The following RGS6 variants were observed in gnomAD, a reference collection of about 807,000 sequenced individuals.
RGS6 encodes regulator of G-protein signaling 6.
RGS6 carries 30 observed loss-of-function variants against 78.5 expected under a neutral mutation model. The ratio of observed to expected loss-of-function variants is 0.38; its 90% CI spans 0.29 to 0.52. The LOEUF (loss-of-function observed/expected upper bound fraction) is 0.52, where lower values mean the gene tolerates loss of function less well. Ranked by LOEUF, RGS6 falls within the 20% of genes least tolerant of loss-of-function variation. The pLI, the probability that RGS6 is intolerant of heterozygous loss-of-function variation, is 0.85. For missense variants in RGS6, 495 were observed against 609.7 expected, an observed-to-expected ratio of 0.81 and a Z score of 1.98; for synonymous variants, 206 against 206.0, an observed-to-expected ratio of 1.00 and a Z score of 0.00.
intron 3 of RGS6, among the ~76,000 whole-genome samples, chr14:72,364,122 C>T (rs1486176291): frequency 6.6e-6 from 1 of 151,734 alleles, no homozygotes; most frequent in East Asian, 1.9e-4. Flanking sequence ...CCAACACTCT[C>T]ACCTACTTAA....
intron 2 of RGS6, among the ~76,000 whole-genome samples, chr14:72,000,592 G>A (rs977363260): frequency 6.6e-6 from 1 of 152,162 alleles, no homozygotes; most frequent in Non-Finnish European, 1.5e-5. Flanking sequence ...GAGAACCCAG[G>A]AGACAAAGGT....
chr14:72,023,556 C>G (rs2089193713), intron 2 of RGS6, among the ~76,000 whole-genome samples: 1 of 152,240 alleles, frequency 6.6e-6, no homozygotes, highest in Non-Finnish European at 1.5e-5. Flanking sequence ...TGGAACGTTT[C>G]TCTTAATCCA....
chr14:72,576,748 C>T, the RGS6 span, among the ~76,000 whole-genome samples: 1 of 152,336 alleles, frequency 6.6e-6, no homozygotes, highest in South Asian at 2.1e-4. Flanking sequence ...ATGGATCCAA[C>T]TGCCCCTTTC....
chr14:72,104,191 T>A (rs1367435522), intron 2 of RGS6, among the ~76,000 whole-genome samples: 1 of 152,094 alleles, frequency 6.6e-6, no homozygotes, highest in Non-Finnish European at 1.5e-5. Flanking sequence ...CGCCCCCGGT[T>A]TTGCTCTCTC....
At chr14:72,008,677 T>C (rs534878483) in intron 2 of RGS6, among the ~76,000 whole-genome samples, 1 of 152,318 alleles carries the variant, frequency 6.6e-6, no homozygotes, top group African/African-American at 2.4e-5. Context: ...CTGCCATAAG[T>C]TGAGGACATT....
At chr14:72,052,773 G>A (rs1010322552) in intron 2 of RGS6, among the ~76,000 whole-genome samples, 2 of 152,012 alleles carry the variant, frequency 1.3e-5, no homozygotes, top group Non-Finnish European at 2.9e-5. Context: ...GGAAGTGGAG[G>A]CATTTTTGTA....
intron 2 of RGS6, among the ~76,000 whole-genome samples, chr14:72,269,567 ATTTTTTTTTTTT>A (rs56171281): frequency 5.0e-5 from 6 of 120,334 alleles, no homozygotes; most frequent in Non-Finnish European, 6.7e-5. Flanking sequence ...CCTATCTTAA[ATTTTTTTTTTTT>A]TTTTTTTTTT....
intron 7 of RGS6, among the ~76,000 whole-genome samples, chr14:72,467,563 G>A (rs1329851790): frequency 6.6e-6 from 1 of 152,134 alleles, no homozygotes; most frequent in East Asian, 1.9e-4. Flanking sequence ...GCATGCCATT[G>A]GGGAGCAGGA....
intron 2 of RGS6, among the ~76,000 whole-genome samples, chr14:72,018,912 T>A (rs565603081): frequency 2.0e-5 from 3 of 152,186 alleles, no homozygotes; most frequent in Non-Finnish European, 2.9e-5. Flanking sequence ...AATTTAAAAA[T>A]ATATATAATA....
intron 2 of RGS6, among the ~76,000 whole-genome samples, chr14:72,049,711 G>A (rs2093106278): frequency 6.6e-6 from 1 of 152,140 alleles, no homozygotes; most frequent in African/African-American, 2.4e-5. Context: ...ACATCCTCTT[G>A]CAGTCATCTG....
At chr14:72,312,849 A>G (rs1425088275) in intron 2 of RGS6, among the ~76,000 whole-genome samples, 1 of 152,188 alleles carries the variant, frequency 6.6e-6, no homozygotes, top group African/African-American at 2.4e-5. Context: ...CCCCTCTCCC[A>G]TACAAAGCAA....
the RGS6 span, among the ~76,000 whole-genome samples, chr14:71,925,970 C>T: frequency 6.6e-6 from 1 of 152,004 alleles, no homozygotes; most frequent in Non-Finnish European, 1.5e-5. Flanking sequence ...GGTAAAAGAT[C>T]TGTACATAGA....
chr14:71,878,165 A>G, the RGS6 span, among the ~76,000 whole-genome samples: 1 of 152,182 alleles, frequency 6.6e-6, no homozygotes, highest in Admixed American at 6.5e-5. Flanking sequence ...ATGTTCTCAG[A>G]TCTCAAACTC....
intron 2 of RGS6, among the ~76,000 whole-genome samples, chr14:72,056,319 G>T (rs1018916357): frequency 6.6e-6 from 1 of 152,114 alleles, no homozygotes; most frequent in Non-Finnish European, 1.5e-5. Context: ...CAGAATTTAG[G>T]AAAGTCTGCT....
At chr14:72,008,214 G>T (rs2084954457) in intron 2 of RGS6, among the ~76,000 whole-genome samples, 1 of 152,084 alleles carries the variant, frequency 6.6e-6, no homozygotes, top group Admixed American at 6.5e-5. Flanking sequence ...TCCTTATCCT[G>T]CCCTTGCATG....
At chr14:72,421,790 G>A (rs571328049) in intron 3 of RGS6, 2 of 152,390 alleles carry the variant, frequency 1.3e-5, no homozygotes, top group South Asian at 4.1e-4. Context: ...CCTGTGTACA[G>A]CTCCCCATTC....
chr14:72,141,621 C>T (rs374901305), intron 2 of RGS6, among the ~76,000 whole-genome samples: 15 of 152,244 alleles, frequency 9.9e-5, no homozygotes, highest in Admixed American at 7.2e-4. Flanking sequence ...TGAGGAAGGA[C>T]ACAAGGCCAT....
At chr14:72,351,702 T>TGGAAGG (rs2079136386) in intron 2 of RGS6, among the ~76,000 whole-genome samples, 1 of 152,154 alleles carries the variant, frequency 6.6e-6, no homozygotes, top group South Asian at 2.1e-4. Flanking sequence ...ATTGCCTTTG[T>TGGAAGG]GGAAGGGGTG....
At chr14:72,117,387 G>A (rs1023370034) in intron 2 of RGS6, among the ~76,000 whole-genome samples, 6 of 152,174 alleles carry the variant, frequency 3.9e-5, no homozygotes, top group Non-Finnish European at 5.9e-5. Context: ...GGGATCTCCC[G>A]TTCTCTCTCT....
Sources: gnomAD v4.1 joint callset for allele counts (sites outside exome capture counted in the v4.1 genomes callset) on GRCh38, gnomAD v4.1.1 for gene constraint, MANE v1.5 for transcripts, NCBI Gene and HGNC (gene_info 2026-07-23, HGNC 2026-07-21) for gene names.